Variants in CPNE5 observed in about 807,000 individuals in gnomAD.
CPNE5 encodes the protein copine 5.
CPNE5 carries 42 observed loss-of-function variants against 81.1 expected under a neutral mutation model. That is an observed-to-expected ratio of 0.52 (90% confidence interval 0.40 to 0.67). CPNE5 has a LOEUF of 0.67. CPNE5 is among the 30% of genes least tolerant of loss of function. The pLI is 0.00. For synonymous variants in CPNE5, 313 were observed against 321.5 expected, an observed-to-expected ratio of 0.97 and a Z score of 0.28; for missense variants, 612 against 815.5, an observed-to-expected ratio of 0.75 and a Z score of 3.04.
chr6:36,780,097 G>A (rs1767901752), intron 8 of CPNE5, among the ~76,000 whole-genome samples: 1 of 152,038 alleles, frequency 6.6e-6, no homozygotes, highest in Non-Finnish European at 1.5e-5. Flanking sequence ...CCGAGTAGCT[G>A]GGACTACAGG....
intron 19 of CPNE5, 127 bp from the exon 20 acceptor site, chr6:36,743,889 G>A: frequency 1.2e-6 from 1 of 821,246 alleles, no homozygotes; most frequent in Non-Finnish European, 2.0e-6. Flanking sequence ...CATGCCCCGT[G>A]TTAGAGATGA....
At chr6:36,831,209 C>T (rs977928403) in intron 1 of CPNE5, among the ~76,000 whole-genome samples, 16 of 151,722 alleles carry the variant, frequency 1.1e-4, no homozygotes, top group Non-Finnish European at 1.5e-4. Context: ...CACATACCAC[C>T]ACACCCGGCT....
chr6:36,771,241 T>G (rs550706846), intron 10 of CPNE5, among the ~76,000 whole-genome samples: 1 of 152,324 alleles, frequency 6.6e-6, no homozygotes, highest in South Asian at 2.1e-4. Flanking sequence ...AGATGCACCC[T>G]GGTCACAGCC....
intron 1 of CPNE5, among the ~76,000 whole-genome samples, chr6:36,833,087 T>C (rs978490829): frequency 2.0e-5 from 3 of 152,112 alleles, no homozygotes; most frequent in African/African-American, 7.2e-5. Flanking sequence ...CCTACCATAG[T>C]TGGTACTCAG....
chr6:36,773,221 C>T (rs1377214564), intron 10 of CPNE5, among the ~76,000 whole-genome samples: 1 of 152,076 alleles, frequency 6.6e-6, no homozygotes, highest in Non-Finnish European at 1.5e-5. Context: ...CGGAGTGGCC[C>T]AGAGGCCCAG....
intron 11 of CPNE5, among the ~76,000 whole-genome samples, chr6:36,763,365 G>A (rs1056201144): frequency 6.6e-6 from 1 of 152,198 alleles, no homozygotes; most frequent in Non-Finnish European, 1.5e-5. Flanking sequence ...CACTTTGGGA[G>A]GCCAAGGCGG....
At chr6:36,800,094 A>T in intron 3 of CPNE5, 24 bp from the exon 4 acceptor site, 1 of 1,584,270 alleles carries the variant, frequency 6.3e-7, no homozygotes, top group Non-Finnish European at 8.6e-7. Context: ...TGGAGGGTGA[A>T]CCTCAGGGCC....
Position 36,743,737 on chromosome 6 carries a change from G to T in CPNE5, c.1515C>A (p.Asp505Glu), listed in dbSNP as rs376503078. ...GCTTCCCCCGGGAGGAGATCCGCAC[G>T]TCGTCGCCATCCAGCTCCACCATGG... ...FDAMVELDGD[D>E]VRISSRGKLA... Residue 505 changes from aspartate to glutamate, a missense_variant, in exon 20 of 21, where the codon GAC becomes GAA. Transcript: ENST00000244751. 6.2e-7 allele frequency: 1 copy of T among 1,612,536 alleles called. No individual in the cohort carries two copies. Among genetic ancestry groups the T allele is most frequent in the Non-Finnish European group, 8.5e-7 (1 of 1,179,978 alleles).
intron 3 of CPNE5, among the ~76,000 whole-genome samples, chr6:36,817,633 G>A (rs542162530): frequency 6.6e-6 from 1 of 152,028 alleles, no homozygotes; most frequent in Non-Finnish European, 1.5e-5. Flanking sequence ...TGGCCCCTCT[G>A]CTTCTACACC....
At chr6:36,810,910 A>G (rs530839706) in intron 3 of CPNE5, among the ~76,000 whole-genome samples, 1 of 152,264 alleles carries the variant, frequency 6.6e-6, no homozygotes, top group Admixed American at 6.5e-5. Flanking sequence ...CCCAGGCTCT[A>G]AAGGCCTCCC....
rs929850125 is a variant in CPNE5, at chr6:36,827,765, A to C, written c.96-4667T>G. 6.6e-5 allele frequency: 65 copies of C among 985,410 alleles called. No homozygotes were observed. The African/African-American group carries it at 1.0e-3, about 16-fold the overall frequency. The allele number at this position is 985,410 out of a possible 1,614,324, so 61.0% of individuals were successfully genotyped here. On this transcript the variant is annotated intron_variant, in intron 1 of 20. Transcript: ENST00000244751. Reference sequence around the variant, plus strand: ...GAAACCGGGTCTTCCGCCCTGACGAAGGGCCCGAGACACCAGGGCACAGAC... The same window carrying C: ...GAAACCGGGTCTTCCGCCCTGACGACGGGCCCGAGACACCAGGGCACAGAC...
chr6:36,740,813 A>G lies in CPNE5; in HGVS notation c.*1455T>C, dbSNP rs1330062612. ...CCAAATTTACTTCAGTTTAAGGCAA[A>G]TTCCACACAGAGACTGTCTCAGAGA... On this transcript the variant is annotated 3_prime_UTR_variant, in exon 21 of 21. Coordinates refer to ENST00000244751, the MANE Select transcript of CPNE5 (RefSeq NM_020939.2). 2.6e-5 allele frequency: 4 copies of G among 152,590 alleles called. No individual in the cohort carries two copies. The highest frequency in any genetic ancestry group is 5.9e-5 in the Non-Finnish European group (4 of 68,032). The allele number at this position is 152,590 out of a possible 1,614,324, so 9.5% of individuals were successfully genotyped here.
chr6:36,803,794 A>G (rs77704179), intron 3 of CPNE5, among the ~76,000 whole-genome samples: 8,854 of 152,264 alleles, frequency 0.058, 338 homozygotes, highest in East Asian at 0.14. Flanking sequence ...TTTAAAAAAT[A>G]TATGCTTTAA....
At chr6:36,781,607 G>C (rs1000209926) in intron 8 of CPNE5, among the ~76,000 whole-genome samples, 18 of 152,088 alleles carry the variant, frequency 1.2e-4, no homozygotes, top group Non-Finnish European at 1.8e-4. Flanking sequence ...CTGGATGGAA[G>C]GAACACTTTA....
chr6:36,802,462 C>G (rs1022990873), intron 3 of CPNE5, among the ~76,000 whole-genome samples: 4 of 152,014 alleles, frequency 2.6e-5, no homozygotes, highest in Non-Finnish European at 4.4e-5. Flanking sequence ...TCTCTAAAAA[C>G]AAAAACAAAC....
rs61740903 is a variant in CPNE5 at position 36,746,498 on chromosome 6, G to T, written c.1098C>A (p.Val366=). The change falls in exon 16 of 21, where the codon GTC becomes GTA. Residue 366 remains valine, a synonymous_variant. Coordinates refer to ENST00000244751, the MANE Select transcript of CPNE5 (RefSeq NM_020939.2). This position sits in a 1 kb window ranked among gnomAD's most constrained non-coding sequence, Gnocchi z 4.5. ...TGTCGTAGTGCTGGATGATCTCTCCGACGGCAGTCAGCGCCAGCGCGTAGG... is the reference window on the plus strand; with the variant it reads ...TGTCGTAGTGCTGGATGATCTCTCCTACGGCAGTCAGCGCCAGCGCGTAGG... The part of the protein sequence containing the change: ...LNAYALALTA[V]GEIIQHYDSD... The T allele has an allele frequency of 3.0e-4, 489 of 1,613,810 alleles. No homozygotes were observed. The African/African-American group carries it at 6.0e-3, about 20-fold the overall frequency.
In CPNE5 at chr6:36,797,126, C is replaced by T. The variant is rs188585972; in HGVS notation, c.404+1039G>A. Among the ~76,000 whole-genome samples the T allele has an allele frequency of 1.8e-3, 267 of 152,320 alleles. 1 individual carries two copies. Among genetic ancestry groups the T allele is most frequent in the African/African-American group, 6.2e-3 (256 of 41,578 alleles). ...TGCACCATGTTGGCCAAGCTGGTCT[C>T]GAACTCCTGAGCTCAGGCGATCCAT... On this transcript the variant is annotated intron_variant, in intron 6 of 20. Coordinates refer to ENST00000244751, the MANE Select transcript of CPNE5 (RefSeq NM_020939.2).
chr6:36,802,985 G>A (rs1235349430), intron 3 of CPNE5, among the ~76,000 whole-genome samples: 1 of 152,132 alleles, frequency 6.6e-6, no homozygotes, highest in Non-Finnish European at 1.5e-5. Context: ...TTAAACCCAG[G>A]TGGAGGTCGC....
chr6:36,789,860 G>A (rs377138109), intron 8 of CPNE5, among the ~76,000 whole-genome samples: 1 of 152,124 alleles, frequency 6.6e-6, no homozygotes, highest in Non-Finnish European at 1.5e-5. Context: ...GTTCATTCCC[G>A]CTGTCAAGTG....
Sources: gnomAD v4.1 joint callset for allele counts (sites outside exome capture counted in the v4.1 genomes callset) on GRCh38, gnomAD v4.1.1 for gene constraint, Gnocchi (gnomAD v3.1) non-coding constraint, MANE v1.5 for transcripts, NCBI Gene and HGNC (gene_info 2026-07-23, HGNC 2026-07-21) for gene names.